The following GPATCH1 variants were observed in gnomAD, a reference collection of about 807,000 sequenced individuals.
GPATCH1 encodes the protein G-patch domain containing 1, also known as G patch domain-containing protein 1.
GPATCH1 carries 73 observed loss-of-function variants against 114.9 expected under a neutral mutation model. The ratio of observed to expected loss-of-function variants is 0.64; its 90% CI spans 0.53 to 0.77. GPATCH1 has a LOEUF of 0.77. GPATCH1 is among the 30% of genes least tolerant of loss of function. The pLI is 0.00. For synonymous variants in GPATCH1, 391 were observed against 428.4 expected (o/e 0.91, Z 1.08); for missense variants, 1,058 against 1,144.3 (o/e 0.92, Z 1.09).
intron 2 of GPATCH1, among the ~76,000 whole-genome samples, chr19:33,090,318 C>G (rs1972580617): frequency 6.6e-6 from 1 of 152,168 alleles, no homozygotes; most frequent in South Asian, 2.1e-4. Flanking sequence ...CTGTTACTCT[C>G]TCTTTATCCA....
At position 33,130,185 on chromosome 19, in the gene GPATCH1, A is replaced by C. The variant is rs1262540957; in HGVS notation, c.*25A>C. ...ATTGAATGCTGCCCTGGCTCGTCCTAGAATCATTTCTCCTCCATGATGGAA... is the reference window on the plus strand; with the variant it reads ...ATTGAATGCTGCCCTGGCTCGTCCTCGAATCATTTCTCCTCCATGATGGAA... On this transcript the variant is annotated 3_prime_UTR_variant, in exon 20 of 20. Transcript: ENST00000170564. The C allele has an allele frequency of 6.4e-7, 1 of 1,561,458 alleles. No homozygotes were observed.
At chr19:33,090,450 C>T (rs1357698032) in intron 2 of GPATCH1, among the ~76,000 whole-genome samples, 1 of 152,170 alleles carries the variant, frequency 6.6e-6, no homozygotes, top group Non-Finnish European at 1.5e-5. Context: ...GCTGGTCTCA[C>T]GTCCTGCATT....
At chr19:33,083,673 G>A (rs781082726) in intron 1 of GPATCH1, among the ~76,000 whole-genome samples, 18 of 152,192 alleles carry the variant, frequency 1.2e-4, no homozygotes, top group African/African-American at 1.7e-4. Context: ...GGAATTACAG[G>A]CGTGAGCCAT....
intron 9 of GPATCH1, among the ~76,000 whole-genome samples, chr19:33,104,331 C>A (rs1478856535): frequency 3.1e-5 from 2 of 65,538 alleles, no homozygotes; most frequent in East Asian, 6.2e-4. Flanking sequence ...AGAGTGAGAC[C>A]CTGTCTCAAA....
chr19:33,129,988 G>A (rs572738432), intron 19 of GPATCH1, 142 bp from the exon 20 acceptor site: 13 of 609,910 alleles, frequency 2.1e-5, no homozygotes, highest in African/African-American at 1.9e-4. Flanking sequence ...GTACTTCATT[G>A]TGGGTTATTG....
Position 33,119,092 on chromosome 19 carries a change from G to A in GPATCH1, c.2496G>A (p.Pro832=), listed in dbSNP as rs533790200. 17 of 1,610,846 alleles carry A rather than the reference G, an allele frequency of 1.1e-5. No individual in the cohort carries two copies. Among genetic ancestry groups the A allele is most frequent in the Admixed American group, 5.0e-5 (3 of 59,696 alleles). Residue 832 remains proline, a synonymous_variant, in exon 17 of 20, where the codon CCG becomes CCA. Transcript: ENST00000170564. The part of the protein sequence containing the change: ...MQIDEREEFG[P]RLPPVFCPNA... ...TAGATGAAAGAGAAGAGTTCGGCCC[G>A]CGGCTGCCTCCCGTCTTCTGCCCCA...
At chr19:33,091,413 C>CAAAAAAA (rs1184888892) in intron 3 of GPATCH1, among the ~76,000 whole-genome samples, 9 of 44,942 alleles carry the variant, frequency 2.0e-4, no homozygotes, top group Admixed American at 3.0e-4. Context: ...GACTCCGTCT[C>CAAAAAAA]AAAAAAAAAA....
chr19:33,129,987 T>A, intron 19 of GPATCH1, 143 bp from the exon 20 acceptor site: 1 of 607,910 alleles, frequency 1.6e-6, no homozygotes. Context: ...AGTACTTCAT[T>A]GTGGGTTATT....
chr19:33,095,578 T>C (rs1354545007), intron 5 of GPATCH1, among the ~76,000 whole-genome samples, 184 bp from the exon 6 acceptor site: 3 of 151,854 alleles, frequency 2.0e-5, no homozygotes, highest in African/African-American at 7.3e-5. Flanking sequence ...TTTTTTAAAT[T>C]TTTTGTGGAG....
At chr19:33,084,262 G>A (rs755197515) in intron 1 of GPATCH1, among the ~76,000 whole-genome samples, 1 of 152,154 alleles carries the variant, frequency 6.6e-6, no homozygotes, top group Non-Finnish European at 1.5e-5. Context: ...AATTAAAGTT[G>A]CTGGCCCTGA....
At position 33,115,372 on chromosome 19, in the gene GPATCH1, A is replaced by C. The variant is rs114825861; in HGVS notation, c.2196+953A>C. The stretch of plus-strand genomic sequence containing the variant: ...ATTACAGGCGTGAGCCACCATGCCC[A>C]GTTGACCCTTTTAACATTATGTAAT... On this transcript the variant is annotated intron_variant, in intron 15 of 19. Coordinates refer to ENST00000170564, the MANE Select transcript of GPATCH1 (RefSeq NM_018025.3). Among the ~76,000 whole-genome samples the C allele has an allele frequency of 9.4e-3, 1,385 of 147,884 alleles. 10 individuals are homozygous for C. The highest frequency in any genetic ancestry group is 0.032 in the African/African-American group (1,301 of 40,152).
intron 8 of GPATCH1, among the ~76,000 whole-genome samples, chr19:33,099,323 T>A (rs926057541): frequency 1.3e-5 from 2 of 151,768 alleles, no homozygotes; most frequent in Non-Finnish European, 1.5e-5. Context: ...AATCCTTTAA[T>A]AATTAATGAT....
At chr19:33,114,066 G>T (rs1021670988) in intron 14 of GPATCH1, among the ~76,000 whole-genome samples, 163 bp downstream of exon 14, 4 of 152,160 alleles carry the variant, frequency 2.6e-5, no homozygotes, top group Admixed American at 2.6e-4. Flanking sequence ...ATGTTGTAAT[G>T]GTCCAGATGT....
chr19:33,123,527 A>G (rs1973008038), intron 17 of GPATCH1, among the ~76,000 whole-genome samples: 1 of 152,150 alleles, frequency 6.6e-6, no homozygotes, highest in South Asian at 2.1e-4. Context: ...AGGTCAGAGG[A>G]TCCCTTGAGT....
At chr19:33,087,059 A>C (rs1972541319) in intron 1 of GPATCH1, among the ~76,000 whole-genome samples, 1 of 152,150 alleles carries the variant, frequency 6.6e-6, no homozygotes, top group Admixed American at 6.6e-5. Flanking sequence ...AACTCCATGA[A>C]ATAGCTGTTA....
intron 17 of GPATCH1, among the ~76,000 whole-genome samples, chr19:33,122,452 C>G (rs1599867044): frequency 6.6e-6 from 1 of 151,820 alleles, no homozygotes; most frequent in Non-Finnish European, 1.5e-5. Context: ...AGCCTCCCAA[C>G]TAGCTGGGAC....
intron 18 of GPATCH1, 49 bp from the exon 19 acceptor site, chr19:33,126,539 G>A (rs763891641): frequency 6.2e-7 from 1 of 1,604,616 alleles, no homozygotes; most frequent in Non-Finnish European, 8.5e-7. Context: ...ATTGAATTAA[G>A]GAGGAAAAAA....
intron 2 of GPATCH1, 142 bp downstream of exon 2, chr19:33,088,410 T>C: frequency 1.7e-6 from 1 of 599,894 alleles, no homozygotes; most frequent in Non-Finnish European, 2.8e-6. Context: ...TGTTGTGTGA[T>C]CTTGGCTTAC....
intron 10 of GPATCH1, among the ~76,000 whole-genome samples, chr19:33,109,393 C>A (rs993447541): frequency 3.9e-5 from 6 of 152,098 alleles, no homozygotes; most frequent in African/African-American, 1.4e-4. Flanking sequence ...TGGCACATGC[C>A]TGTAGTCCCG....
Sources: gnomAD v4.1 joint callset for allele counts (sites outside exome capture counted in the v4.1 genomes callset) on GRCh38, gnomAD v4.1.1 for gene constraint, MANE v1.5 for transcripts, NCBI Gene and HGNC (gene_info 2026-07-23, HGNC 2026-07-21) for gene names.